Variants in NUDT5 observed in about 807,000 individuals in gnomAD.
The protein encoded by NUDT5 is nudix hydrolase 5.
NUDT5 carries 21 observed loss-of-function variants against 34.1 expected under a neutral mutation model. The ratio of observed to expected loss-of-function variants is 0.62; its 90% CI spans 0.44 to 0.89. The LOEUF is 0.89. NUDT5 is among the 40% of genes least tolerant of loss of function. The pLI is 0.00. For missense variants in NUDT5, 249 were observed against 274.8 expected, an observed-to-expected ratio of 0.91 and a Z score of 0.66; for synonymous variants, 85 against 97.6, an observed-to-expected ratio of 0.87 and a Z score of 0.76.
In NUDT5 at chr10:12,175,365, G is replaced by C. The variant is rs750688807; in HGVS notation, c.290-1552C>G. Reference sequence around the variant, plus strand: ...TAAAATAAAATAATGAAAAACTCAGGCTGGGTGTGGTGGCTCACGCCTGTA... The same window carrying C: ...TAAAATAAAATAATGAAAAACTCAGCCTGGGTGTGGTGGCTCACGCCTGTA... On this transcript the variant is annotated intron_variant, in intron 5 of 9. Coordinates refer to ENST00000491614, the MANE Select transcript of NUDT5 (RefSeq NM_014142.4). This position sits in a 1 kb window ranked among gnomAD's most constrained non-coding sequence, Gnocchi z 4.8. 8.6e-5 allele frequency among the ~76,000 whole-genome samples: 13 copies of C among 151,986 alleles called. No individual in the cohort carries two copies. The highest frequency in any genetic ancestry group is 1.2e-4 in the African/African-American group (5 of 41,388).
intron 5 of NUDT5, among the ~76,000 whole-genome samples, chr10:12,174,538 A>C (rs1021293751): frequency 6.6e-6 from 1 of 152,156 alleles, no homozygotes; most frequent in East Asian, 1.9e-4. Context: ...CAGCCTCCCA[A>C]AGTGCTGGGA....
rs1478748437 is a variant in NUDT5, at chr10:12,168,387, A to G, written c.551-576T>C. On this transcript the variant is annotated intron_variant, in intron 9 of 9. Coordinates refer to ENST00000491614, the MANE Select transcript of NUDT5 (RefSeq NM_014142.4). The surrounding 1 kb of genome is among the most constrained non-coding windows in gnomAD (Gnocchi z 4.8). The stretch of plus-strand genomic sequence containing the variant: ...TGTATAGAGCCAATCGCTATACCTC[A>G]TTTATAGCTGGGGTAGGGCTTTGCT... Among the ~76,000 whole-genome samples the G allele has an allele frequency of 2.0e-5, 3 of 152,190 alleles. No individual in the cohort carries two copies. Among genetic ancestry groups the G allele is most frequent in the Non-Finnish European group, 4.4e-5 (3 of 68,040 alleles).
intron 2 of NUDT5, among the ~76,000 whole-genome samples, chr10:12,185,844 TACA>T (rs1564426553): frequency 8.5e-5 from 13 of 152,238 alleles, no homozygotes; most frequent in Admixed American, 2.0e-4. Flanking sequence ...GAATTTAGAC[TACA>T]ATTAACAACG....
At chr10:12,184,036 A>G (rs1468356725) in intron 3 of NUDT5, among the ~76,000 whole-genome samples, 1 of 152,086 alleles carries the variant, frequency 6.6e-6, no homozygotes, top group Admixed American at 6.6e-5. Flanking sequence ...TTTACTTAAT[A>G]CTTTCTTTTT....
At chr10:12,177,239 G>A (rs1834964957) in intron 5 of NUDT5, among the ~76,000 whole-genome samples, 1 of 152,200 alleles carries the variant, frequency 6.6e-6, no homozygotes, top group South Asian at 2.1e-4. Flanking sequence ...GCTGGAGACG[G>A]CAGGGTGCAA....
rs1834740369 is a variant in NUDT5, at chr10:12,167,761, C to T, written c.601G>A (p.Ala201Thr). The change falls in exon 10 of 10, where the codon GCT becomes ACT. Residue 201 changes from alanine (A) to threonine (T), a missense_variant. Ala to Thr is a moderately conservative substitution (Grantham distance 58, BLOSUM62 0). Coordinates refer to ENST00000491614, the MANE Select transcript of NUDT5 (RefSeq NM_014142.4). Reference protein sequence around the residue: ...LTVDARVYSYALALKHANAKP... With the variant: ...LTVDARVYSYTLALKHANAKP... ...GCATTTGCATGTTTCAGTGCTAGAG[C>T]GTAGGAATAGACCCTGGCGTCCACT... The T allele has an allele frequency of 2.5e-6, 4 of 1,614,120 alleles. No homozygotes were observed. Among genetic ancestry groups the T allele is most frequent in the South Asian group, 1.1e-5 (1 of 91,082 alleles).
At chr10:12,174,292 A>C (rs1035694469) in intron 5 of NUDT5, among the ~76,000 whole-genome samples, 1 of 128,974 alleles carries the variant, frequency 7.8e-6, no homozygotes, top group Admixed American at 8.3e-5. Context: ...TGAAGATGGG[A>C]GTCTCACACT....
chr10:12,190,861 G>A (rs1020156418), intron 1 of NUDT5, among the ~76,000 whole-genome samples: 19 of 151,608 alleles, frequency 1.3e-4, no homozygotes, highest in Admixed American at 1.1e-3. Flanking sequence ...CACCCACCTC[G>A]GCCTCCCACA....
intron 1 of NUDT5, among the ~76,000 whole-genome samples, chr10:12,192,098 C>G (rs1328287526): frequency 2.0e-5 from 3 of 152,130 alleles, no homozygotes; most frequent in Non-Finnish European, 4.4e-5. Flanking sequence ...GAGCCCACAT[C>G]ATAAGTAGAG....
intron 3 of NUDT5, among the ~76,000 whole-genome samples, chr10:12,183,432 G>GT (rs1213243550): frequency 6.6e-6 from 1 of 152,168 alleles, no homozygotes; most frequent in African/African-American, 2.4e-5. Context: ...GGCTTTGCTA[G>GT]TTTAGTAGAT....
In NUDT5 at chr10:12,166,045, C is replaced by T. The variant is rs1229611543; in HGVS notation, c.*1657G>A. ...CCAGTTCTCAAACAGACTGAATTTC[C>T]AAAGCACAACCTTTTCATGTTTATA... On this transcript the variant is annotated 3_prime_UTR_variant, in exon 10 of 10. Transcript: ENST00000491614. The T allele has an allele frequency of 6.6e-6, 1 of 152,188 alleles. No individual in the cohort carries two copies. Among genetic ancestry groups the T allele is most frequent in the East Asian group, 1.9e-4 (1 of 5,200 alleles). The allele number at this position is 152,188 out of a possible 1,614,324, so 9.4% of individuals were successfully genotyped here. A position where few individuals can be genotyped will look rare whatever the true frequency, so the allele number is the denominator to read the frequency against.
At chr10:12,172,733 C>T (rs754920072) in intron 7 of NUDT5, 32 bp downstream of exon 7, 5 of 1,487,046 alleles carry the variant, frequency 3.4e-6, no homozygotes, top group African/African-American at 1.4e-5. Flanking sequence ...AATGCAACCA[C>T]ACCACCTTCA....
At chr10:12,177,985 C>T (rs1476069917) in intron 4 of NUDT5, 85 bp from the exon 5 acceptor site, 2 of 919,660 alleles carry the variant, frequency 2.2e-6, no homozygotes, top group Non-Finnish European at 3.4e-6. Flanking sequence ...TAATGAAAAC[C>T]CCAGACTTTA....
rs569424542 is a variant in NUDT5 at position 12,183,045 on chromosome 10, A to C, written c.131+1844T>G. On this transcript the variant is annotated intron_variant, in intron 3 of 9. Coordinates refer to ENST00000491614, the MANE Select transcript of NUDT5 (RefSeq NM_014142.4). ...AGCCACTGCGCTTGGCCTCAAACAC[A>C]TGTTTAGACTCATTAGAGTTGAGGG... Among the ~76,000 whole-genome samples the C allele has an allele frequency of 4.0e-4, 61 of 152,008 alleles. No individual in the cohort carries two copies. In the South Asian group the frequency reaches 5.6e-3, roughly 14 times the overall value.
intron 4 of NUDT5, among the ~76,000 whole-genome samples, chr10:12,178,766 C>T (rs1038707192): frequency 1.3e-5 from 2 of 152,226 alleles, no homozygotes; most frequent in Non-Finnish European, 2.9e-5. Flanking sequence ...CATCTAGATC[C>T]TTCCAACAGG....
intron 1 of NUDT5, among the ~76,000 whole-genome samples, chr10:12,194,750 T>C (rs1009772520): frequency 1.4e-4 from 22 of 152,220 alleles, no homozygotes; most frequent in African/African-American, 5.3e-4. Context: ...CTGTTTCTAA[T>C]TTAAAACTAC....
Position 12,170,327 on chromosome 10 carries a change from C to A in NUDT5, c.550+390G>T. The A allele has an allele frequency of 2.3e-6, 2 of 872,960 alleles. No individual in the cohort carries two copies. The highest frequency in any genetic ancestry group is 3.6e-6 in the Non-Finnish European group (2 of 550,998). The allele number at this position is 872,960 out of a possible 1,614,324, so 54.1% of individuals were successfully genotyped here. ...CATCAATTTCTCCTTGAACATACAG[C>A]CTCCACAAAGGACCATCCCTCATAC... On this transcript the variant is annotated intron_variant, in intron 9 of 9. Transcript: ENST00000491614. This position sits in a 1 kb window ranked among gnomAD's most constrained non-coding sequence, Gnocchi z 4.9.
chr10:12,177,847 G>C lies in NUDT5; in HGVS notation c.235C>G (p.Leu79Val), dbSNP rs1003084651. The C allele has an allele frequency of 3.1e-6, 5 of 1,614,134 alleles. No homozygotes were observed. Among genetic ancestry groups the C allele is most frequent in the Non-Finnish European group, 4.2e-6 (5 of 1,180,018 alleles). ...ATTGGTGGTCGGAACTGTTTCACCA[G>C]AACGATACACTCATAGTGAAGTGTT... is the stretch of plus-strand genomic sequence containing the variant. Reference protein sequence around the residue: ...QRTLHYECIVLVKQFRPPMGG... With the variant: ...QRTLHYECIVVVKQFRPPMGG... Residue 79 changes from leucine to valine, a missense_variant, in exon 5 of 10, where the codon CTG becomes GTG. By Grantham distance (32) the Leu-to-Val change is conservative. Transcript: ENST00000491614.
In NUDT5 at chr10:12,173,763, C is replaced by T. The variant is rs1834900387; in HGVS notation, c.340G>A (p.Glu114Lys). The change falls in exon 6 of 10, where the codon GAA becomes AAA. Residue 114 changes from glutamate to lysine, a missense_variant. By Grantham distance (56) the Glu-to-Lys change is moderately conservative. Coordinates refer to ENST00000491614, the MANE Select transcript of NUDT5 (RefSeq NM_014142.4). This position sits in a 1 kb window ranked among gnomAD's most constrained non-coding sequence, Gnocchi z 4.7. ...TPEAAALRELEEETGYKGDIA... is the reference protein window; with the variant it reads ...TPEAAALRELKEETGYKGDIA... The stretch of plus-strand genomic sequence containing the variant: ...TCCCCTTTGTAGCCAGTTTCTTCTT[C>T]AAGCTCCCGGAGAGCAGCTGCTTCT... 1.2e-6 allele frequency: 2 copies of T among 1,614,164 alleles called. No homozygotes were observed. The highest frequency in any genetic ancestry group is 1.3e-5 in the African/African-American group (1 of 75,068).
Sources: allele counts gnomAD v4.1 joint callset (sites outside exome capture counted in the v4.1 genomes callset), GRCh38; gene constraint gnomAD v4.1.1; non-coding constraint Gnocchi (gnomAD v3.1); transcripts MANE v1.5; gene names NCBI Gene and HGNC (gene_info 2026-07-23, HGNC 2026-07-21).